IQSEC3: variants seen among roughly 807,000 people sequenced by gnomAD.
IQSEC3 encodes the protein IQ motif and SEC7 domain-containing protein 3.
In IQSEC3, 50 loss-of-function variants were observed where a neutral mutation model predicts 105.4. The ratio of observed to expected loss-of-function variants is 0.47; its 90% CI spans 0.38 to 0.60. The LOEUF (loss-of-function observed/expected upper bound fraction) is 0.60. Ranked by LOEUF, IQSEC3 falls within the 20% of genes least tolerant of loss-of-function variation. The pLI is 0.00. For synonymous variants in IQSEC3, 708 were observed against 746.0 expected (o/e 0.95, Z 0.83); for missense variants, 1,415 against 1,630.0 (o/e 0.87, Z 2.27).
intron 3 of IQSEC3, among the ~76,000 whole-genome samples, chr12:135,116 C>A (rs148637226): frequency 3.3e-5 from 5 of 151,928 alleles, no homozygotes; most frequent in Non-Finnish European, 7.4e-5. Context: ...GGTGACAGAG[C>A]GGGACTCCAT....
At chr12:123,497 T>G (rs1475849692) in intron 2 of IQSEC3, among the ~76,000 whole-genome samples, 1 of 152,142 alleles carries the variant, frequency 6.6e-6, no homozygotes, top group African/African-American at 2.4e-5. Flanking sequence ...CCATGCAGCT[T>G]GATTGGTGGC....
At chr12:99,296 T>C (rs1864345198) in intron 2 of IQSEC3, 82 bp downstream of exon 2, 2 of 1,256,416 alleles carry the variant, frequency 1.6e-6, no homozygotes, top group Middle Eastern at 1.9e-4. Flanking sequence ...GCACTAGCTA[T>C]TGGGCCTCCT....
intron 1 of IQSEC3, among the ~76,000 whole-genome samples, chr12:86,952 T>C (rs1199296108): frequency 1.3e-5 from 2 of 152,004 alleles, no homozygotes; most frequent in Admixed American, 1.3e-4. Context: ...TCTCCTGTGG[T>C]TCTAGAAAGG....
At chr12:147,803 A>G (rs998610784) in intron 5 of IQSEC3, 1 of 152,226 alleles carries the variant, frequency 6.6e-6, no homozygotes, top group Non-Finnish European at 1.5e-5. Flanking sequence ...TTGGGAAGAA[A>G]GCACAGCTGA....
intron 1 of IQSEC3, among the ~76,000 whole-genome samples, chr12:93,868 C>T (rs1864168703): frequency 6.6e-6 from 1 of 152,124 alleles, no homozygotes; most frequent in South Asian, 2.1e-4. Context: ...CACCTCCCTC[C>T]CCTCTCTCTT....
chr12:93,345 G>T (rs941998722), intron 1 of IQSEC3, among the ~76,000 whole-genome samples: 1 of 152,184 alleles, frequency 6.6e-6, no homozygotes, highest in African/African-American at 2.4e-5. Flanking sequence ...CTGCCTCCCA[G>T]GTGGACAGAT....
At chr12:132,124 G>A (rs1865622176) in intron 3 of IQSEC3, among the ~76,000 whole-genome samples, 1 of 152,170 alleles carries the variant, frequency 6.6e-6, no homozygotes, top group Admixed American at 6.5e-5. Flanking sequence ...GGCATTGAGA[G>A]GGCTGCATGG....
At position 152,577 on chromosome 12, in the gene IQSEC3, T is replaced by C. The variant is rs1555092958; in HGVS notation, c.2154-4448T>C. The stretch of plus-strand genomic sequence containing the variant: ...TAATAAAAACATAATGGTACAATGG[T>C]TCATATTGCACAAGCTTGAGAAGAT... On this transcript the variant is annotated intron_variant, in intron 5 of 13. Transcript: ENST00000538872. This position sits in a 1 kb window ranked among gnomAD's most constrained non-coding sequence, Gnocchi z 4.8. Among the ~76,000 whole-genome samples, 1 of 152,170 alleles carries C rather than the reference T, an allele frequency of 6.6e-6. No homozygotes were observed. The highest frequency in any genetic ancestry group is 2.4e-5 in the African/African-American group (1 of 41,436).
Position 178,305 on chromosome 12 carries a change from ATG to A in IQSEC3, c.*3273_*3274del, listed in dbSNP as rs1491326597. The stretch of plus-strand genomic sequence containing the variant: ...CCCTCTCCCCGCACACCCGTCACCC[ATG>A]AGAGAGAGAAACCTCTCTAGGGAAA... On this transcript the variant is annotated 3_prime_UTR_variant, in exon 14 of 14. Coordinates refer to ENST00000538872, the MANE Select transcript of IQSEC3 (RefSeq NM_001170738.2). 8.0e-5 allele frequency: 11 copies of A among 137,496 alleles called. No homozygotes were observed. In the Admixed American group the frequency reaches 8.1e-4, roughly 10 times the overall value. The allele number at this position is 137,496 out of a possible 1,614,324, so 8.5% of individuals were successfully genotyped here. A position where few individuals can be genotyped will look rare whatever the true frequency, so the allele number is the denominator to read the frequency against.
At chr12:106,777 C>T (rs782292110) in intron 2 of IQSEC3, 1 of 152,208 alleles carries the variant, frequency 6.6e-6, no homozygotes, top group Non-Finnish European at 1.5e-5. Context: ...TTTTTCTAAT[C>T]CCACTATTTC....
chr12:98,842 G>A (rs1565393602), intron 1 of IQSEC3, among the ~76,000 whole-genome samples: 1 of 152,236 alleles, frequency 6.6e-6, no homozygotes. Flanking sequence ...GCACGCGAAA[G>A]AGCCTGCTGC....
intron 3 of IQSEC3, among the ~76,000 whole-genome samples, chr12:128,400 A>G (rs1354334711): frequency 6.6e-6 from 1 of 152,170 alleles, no homozygotes; most frequent in Non-Finnish European, 1.5e-5. Flanking sequence ...TGGGATGGGT[A>G]TACAGCATGG....
chr12:155,861 C>CTAGG (rs1437755840), intron 5 of IQSEC3, among the ~76,000 whole-genome samples: 1 of 152,134 alleles, frequency 6.6e-6, no homozygotes, highest in Non-Finnish European at 1.5e-5. Context: ...TGGGAGGAGA[C>CTAGG]TAGGGTGAGT....
chr12:117,319 G>T (rs1865079532), intron 2 of IQSEC3, among the ~76,000 whole-genome samples: 1 of 152,220 alleles, frequency 6.6e-6, no homozygotes, highest in African/African-American at 2.4e-5. Context: ...GGGCAGGGAG[G>T]ATGTTCTTCG....
chr12:157,500 G>C, intron 6 of IQSEC3, 28 bp from the exon 7 acceptor site: 1 of 1,596,456 alleles, frequency 6.3e-7, no homozygotes, highest in Non-Finnish European at 8.5e-7. Context: ...GGGGCTCAGC[G>C]TCCGCTCTGC....
intron 2 of IQSEC3, among the ~76,000 whole-genome samples, chr12:100,048 C>T (rs1306022878): frequency 6.6e-6 from 1 of 152,038 alleles, no homozygotes; most frequent in African/African-American, 2.4e-5. Context: ...CTTTACTCCA[C>T]TTGGATTCTG....
chr12:89,343 G>T lies in IQSEC3; in HGVS notation c.555-9803G>T, dbSNP rs75759960. ...GGGTTAATCATTAGGTGATCTGGGG[G>T]CAATGGGTGGAGGGAAATTAGAAAG... On this transcript the variant is annotated intron_variant, in intron 1 of 13. Transcript: ENST00000538872. Among the ~76,000 whole-genome samples, 3 of 152,240 alleles carry T rather than the reference G, an allele frequency of 2.0e-5. No individual in the cohort carries two copies. The South Asian group carries it at 6.2e-4, about 32-fold the overall frequency.
rs373251192 is a variant in IQSEC3, at chr12:67,283, C to T, written c.401C>T (p.Thr134Ile). 2.4e-5 allele frequency: 38 copies of T among 1,597,698 alleles called. No homozygotes were observed. Among genetic ancestry groups the T allele is most frequent in the Admixed American group, 3.3e-5 (2 of 59,908 alleles). ...CGGGGCCCTGGCAGCAGGGCTCACA[C>T]ACCCCAGTCGCCCCACAAGCATCTG... ...PQRGPGSRAH[T>I]PQSPHKHLGT... Residue 134 changes from threonine to isoleucine, a missense_variant, in exon 1 of 14, where the codon ACA becomes ATA. Thr to Ile is a moderately conservative substitution (Grantham distance 89). Coordinates refer to ENST00000538872, the MANE Select transcript of IQSEC3 (RefSeq NM_001170738.2).
At chr12:71,441 G>A (rs1254473460) in intron 1 of IQSEC3, among the ~76,000 whole-genome samples, 1 of 152,272 alleles carries the variant, frequency 6.6e-6, no homozygotes, top group Non-Finnish European at 1.5e-5. Context: ...TAAGTATATT[G>A]CAGCTGCCTA....
Sources: gnomAD v4.1 joint callset for allele counts (sites outside exome capture counted in the v4.1 genomes callset) on GRCh38, gnomAD v4.1.1 for gene constraint, Gnocchi (gnomAD v3.1) non-coding constraint, MANE v1.5 for transcripts, NCBI Gene and HGNC (gene_info 2026-07-23, HGNC 2026-07-21) for gene names.